SCMH1: variants seen among roughly 807,000 people sequenced by gnomAD.
The protein encoded by SCMH1 is Scm polycomb group protein homolog 1, also known as polycomb protein SCMH1.
SCMH1 carries 37 observed loss-of-function variants against 70.8 expected under a neutral mutation model. The observed-to-expected ratio is 0.52, with a 90% CI of 0.40 to 0.69. The LOEUF (loss-of-function observed/expected upper bound fraction) is 0.69. Ranked by LOEUF, SCMH1 falls within the 30% of genes least tolerant of loss-of-function variation. The pLI is 0.00. For missense variants in SCMH1, 607 were observed against 827.3 expected, an observed-to-expected ratio of 0.73 and a Z score of 3.27; for synonymous variants, 292 against 307.4, an observed-to-expected ratio of 0.95 and a Z score of 0.52.
At chr1:41,237,541 C>T (rs1245355517) in intron 1 of SCMH1, among the ~76,000 whole-genome samples, 11 of 152,210 alleles carry the variant, frequency 7.2e-5, no homozygotes, top group Admixed American at 5.9e-4. Context: ...CAACTCCAAA[C>T]TGCATCACAG....
intron 13 of SCMH1, 140 bp downstream of exon 14, chr1:41,033,843 G>A (rs1644897847): frequency 2.6e-5 from 31 of 1,192,082 alleles, no homozygotes; most frequent in South Asian, 1.1e-4. Context: ...ACTCATGGTG[G>A]GTTTCCAAGG....
At chr1:41,168,020 T>G (rs917371107) in intron 2 of SCMH1, among the ~76,000 whole-genome samples, 2 of 151,486 alleles carry the variant, frequency 1.3e-5, no homozygotes, top group African/African-American at 4.8e-5. Context: ...GTGGTTCCCT[T>G]ACATATGACA....
At chr1:41,194,248 G>A (rs1270403983) in intron 1 of SCMH1, among the ~76,000 whole-genome samples, 5 of 152,090 alleles carry the variant, frequency 3.3e-5, no homozygotes, top group Non-Finnish European at 5.9e-5. Context: ...TCTGTTTTTT[G>A]TGACACATAT....
intron 1 of SCMH1, among the ~76,000 whole-genome samples, chr1:41,232,585 A>G (rs1194550243): frequency 6.6e-6 from 1 of 152,200 alleles, no homozygotes; most frequent in African/African-American, 2.4e-5. Flanking sequence ...GCTTGAAACC[A>G]AGTCCTATTA....
chr1:41,068,971 C>T (rs972565798), intron 10 of SCMH1, among the ~76,000 whole-genome samples: 1 of 152,062 alleles, frequency 6.6e-6, no homozygotes, highest in African/African-American at 2.4e-5. Context: ...TAGAGTATGA[C>T]ATGGATAGAA....
chr1:41,057,313 C>T (rs1360160955), intron 10 of SCMH1, among the ~76,000 whole-genome samples: 2 of 152,006 alleles, frequency 1.3e-5, no homozygotes, highest in Non-Finnish European at 2.9e-5. Flanking sequence ...TCGCCCAGGC[C>T]GGAGTGCAGT....
intron 1 of SCMH1, among the ~76,000 whole-genome samples, chr1:41,200,899 C>G (rs6672508): frequency 0.25 from 37,730 of 151,790 alleles, 5,269 homozygotes; most frequent in Non-Finnish European, 0.31. Context: ...TATGGCTTTG[C>G]GGACAGATAA....
At chr1:41,237,893 T>C (rs776582114) in intron 1 of SCMH1, among the ~76,000 whole-genome samples, 49 of 152,350 alleles carry the variant, frequency 3.2e-4, no homozygotes, top group Non-Finnish European at 6.9e-4. Flanking sequence ...AAGGTTCATT[T>C]CAGCTAGCAG....
intron 8 of SCMH1, chr1:41,099,059 G>C: frequency 4.1e-6 from 1 of 245,070 alleles, no homozygotes; most frequent in East Asian, 1.0e-4. Context: ...GCCTGAGGGA[G>C]AGAAGAAGGC....
At chr1:41,090,533 C>CAA (rs753904360) in intron 8 of SCMH1, among the ~76,000 whole-genome samples, 2 of 135,704 alleles carry the variant, frequency 1.5e-5, no homozygotes, top group East Asian at 2.1e-4. Flanking sequence ...GATTCTAAAC[C>CAA]AAAAAAAAAA....
intron 6 of SCMH1, among the ~76,000 whole-genome samples, chr1:41,128,197 CCTAG>C (rs1196582701): frequency 6.6e-6 from 1 of 151,992 alleles, no homozygotes; most frequent in Non-Finnish European, 1.5e-5. Flanking sequence ...TTTAGGAGTT[CCTAG>C]CTATTTTTGA....
At chr1:41,226,765 T>C (rs1660345145) in intron 1 of SCMH1, among the ~76,000 whole-genome samples, 1 of 152,318 alleles carries the variant, frequency 6.6e-6, no homozygotes, top group Admixed American at 6.5e-5. Context: ...AAAAAACTAT[T>C]ATAAGTACTA....
At chr1:41,126,194 A>T (rs1232295026) in intron 6 of SCMH1, among the ~76,000 whole-genome samples, 1 of 152,212 alleles carries the variant, frequency 6.6e-6, no homozygotes, top group Non-Finnish European at 1.5e-5. Flanking sequence ...CACAAACATT[A>T]TTAAGAAGTC....
chr1:41,186,263 T>C lies in SCMH1; in HGVS notation c.-117-13A>G. ...CTAATTTCTCCATCTGTAAAAAAGG[T>C]AGGTGGGGAGGAAGGAGAAGAACAT... On this transcript the variant is annotated splice_polypyrimidine_tract_variant and intron_variant, in intron 1 of 14. Coordinates refer to ENST00000337495, the Ensembl canonical transcript of SCMH1. 1 of 639,006 alleles carries C rather than the reference T, an allele frequency of 1.6e-6. No homozygotes were observed. The highest frequency in any genetic ancestry group is 3.0e-6 in the Non-Finnish European group (1 of 338,806). 39.6% of individuals were successfully genotyped at this position (639,006 alleles called of 1,614,324 possible).
intron 1 of SCMH1, among the ~76,000 whole-genome samples, chr1:41,194,089 C>T (rs1023166087): frequency 2.0e-5 from 3 of 152,168 alleles, no homozygotes; most frequent in Admixed American, 2.0e-4. Context: ...GAATAAGTCT[C>T]TTAGCCCATT....
chr1:41,215,131 AAAGT>A (rs1472647764), intron 1 of SCMH1, among the ~76,000 whole-genome samples: 2 of 152,168 alleles, frequency 1.3e-5, no homozygotes, highest in African/African-American at 4.8e-5. Flanking sequence ...GTTAAGTGTT[AAAGT>A]TAGTAGGTGG....
chr1:41,051,848 T>A (rs965544601), intron 10 of SCMH1, among the ~76,000 whole-genome samples: 4 of 152,154 alleles, frequency 2.6e-5, no homozygotes, highest in African/African-American at 9.7e-5. Context: ...AAAAAAAATT[T>A]AGTGTAGCCA....
chr1:41,126,427 C>T (rs1435669523), intron 6 of SCMH1, among the ~76,000 whole-genome samples: 2 of 151,990 alleles, frequency 1.3e-5, no homozygotes, highest in Non-Finnish European at 2.9e-5. Context: ...GTTCAAAAGT[C>T]AAAAGAATAT....
intron 1 of SCMH1, among the ~76,000 whole-genome samples, chr1:41,211,167 G>C (rs1312974912): frequency 5.3e-5 from 8 of 152,020 alleles, no homozygotes; most frequent in Admixed American, 4.6e-4. Flanking sequence ...TAGACAAATG[G>C]GACCTAATTA....
Sources: gnomAD v4.1 joint callset for allele counts (sites outside exome capture counted in the v4.1 genomes callset) on GRCh38, gnomAD v4.1.1 for gene constraint, MANE v1.5 for transcripts, NCBI Gene and HGNC (gene_info 2026-07-23, HGNC 2026-07-21) for gene names.